Variants in FAT3 observed in about 807,000 individuals in gnomAD.
FAT3 encodes protocadherin Fat 3.
A neutral mutation model predicts 310.2 loss-of-function variants in FAT3; 95 were observed. The observed-to-expected ratio is 0.31, with a 90% CI of 0.26 to 0.36. The LOEUF is 0.36. Ranked by LOEUF, FAT3 falls within the 10% of genes least tolerant of loss-of-function variation. FAT3 has a pLI of 1.00. For synonymous variants in FAT3, 2,314 were observed against 2,192.9 expected, an observed-to-expected ratio of 1.06 and a Z score of -1.54; for missense variants, 5,408 against 5,715.6, an observed-to-expected ratio of 0.95 and a Z score of 1.74.
chr11:92,810,829 A>G (rs1947649745), intron 13 of FAT3, among the ~76,000 whole-genome samples: 1 of 152,236 alleles, frequency 6.6e-6, no homozygotes, highest in African/African-American at 2.4e-5. Flanking sequence ...AAAAGGGCAT[A>G]TAGACAGCTT....
chr11:92,822,166 T>C (rs775146162), intron 13 of FAT3, among the ~76,000 whole-genome samples: 5 of 152,170 alleles, frequency 3.3e-5, no homozygotes, highest in Non-Finnish European at 7.3e-5. Context: ...AAACAGCTAA[T>C]TCCTTCCAAA....
chr11:92,226,881 C>T (rs1863933667), intron 1 of FAT3, among the ~76,000 whole-genome samples: 1 of 152,138 alleles, frequency 6.6e-6, no homozygotes. Context: ...TGATTGAAGT[C>T]TTTTTCCCCC....
At chr11:92,569,711 G>T (rs1210302638) in intron 3 of FAT3, among the ~76,000 whole-genome samples, 1 of 152,186 alleles carries the variant, frequency 6.6e-6, no homozygotes, top group Non-Finnish European at 1.5e-5. Flanking sequence ...CATGAGAAAT[G>T]TAGTGGGAAC....
At chr11:92,809,055 G>A (rs1189101818) in intron 12 of FAT3, among the ~76,000 whole-genome samples, 1 of 152,054 alleles carries the variant, frequency 6.6e-6, no homozygotes, top group African/African-American at 2.4e-5. Flanking sequence ...CATTTATTCA[G>A]GTTTGTCACT....
rs757499607 is a variant in FAT3 at position 92,890,866 on chromosome 11, C to G, written c.13523C>G (p.Pro4508Arg). The G allele has an allele frequency of 6.8e-6, 11 of 1,613,964 alleles. No homozygotes were observed. The highest frequency in any genetic ancestry group is 8.5e-6 in the Non-Finnish European group (10 of 1,179,896). Reference protein sequence around the residue: ...PFPNETDLVGPPASCEFSTFA... With the variant: ...PFPNETDLVGRPASCEFSTFA... The stretch of plus-strand genomic sequence containing the variant: ...CCCAACGAAACGGATTTGGTGGGCC[C>G]GCCTGCCAGCTGTGAATTTAGTACT... Residue 4508 changes from proline to arginine, a missense_variant, in exon 28 of 28, where the codon CCG becomes CGG. Pro to Arg is a moderately radical substitution (Grantham distance 103). Transcript: ENST00000525166.
chr11:92,743,637 G>A (rs1270961177), intron 4 of FAT3, among the ~76,000 whole-genome samples: 1 of 152,196 alleles, frequency 6.6e-6, no homozygotes, highest in Admixed American at 6.5e-5. Context: ...GGCCGCATGT[G>A]TCCTAAGGAG....
At chr11:92,711,443 A>G (rs906912758) in intron 4 of FAT3, among the ~76,000 whole-genome samples, 33 of 152,132 alleles carry the variant, frequency 2.2e-4, no homozygotes, top group Non-Finnish European at 4.1e-4. Flanking sequence ...CCCTAGTGAT[A>G]CTTCTGTAGT....
At chr11:92,746,713 C>A (rs1203673995) in intron 4 of FAT3, among the ~76,000 whole-genome samples, 1 of 152,292 alleles carries the variant, frequency 6.6e-6, no homozygotes, top group Non-Finnish European at 1.5e-5. Context: ...TTCCCAGATA[C>A]AATGGGGGTA....
chr11:92,866,239 C>T (rs3912661), intron 21 of FAT3, among the ~76,000 whole-genome samples: 116,641 of 152,052 alleles, frequency 0.77, 45,073 homozygotes, highest in South Asian at 0.89. Context: ...TTAATGGCCA[C>T]CTACCCTACA....
rs1285688539 is a variant in FAT3 at position 92,891,121 on chromosome 11, A to T, written c.*8A>T. 1 of 1,611,504 alleles carries T rather than the reference A, an allele frequency of 6.2e-7. No homozygotes were observed. Among genetic ancestry groups the T allele is most frequent in the Admixed American group, 1.7e-5 (1 of 59,922 alleles). The stretch of plus-strand genomic sequence containing the variant: ...CATCAGACTCAAGTGTAGACATCAC[A>T]TCTTGGGTACTTCACCCTGTTTGTT... On this transcript the variant is annotated 3_prime_UTR_variant, in exon 28 of 28. Transcript: ENST00000525166.
At position 92,353,323 on chromosome 11, in the gene FAT3, C is replaced by T. The variant is rs542051231; in HGVS notation, c.1211C>T (p.Pro404Leu). 111 of 1,613,370 alleles carry T rather than the reference C, an allele frequency of 6.9e-5. No individual in the cohort carries two copies. Among genetic ancestry groups the T allele is most frequent in the Admixed American group, 8.4e-5 (5 of 59,852 alleles). The stretch of plus-strand genomic sequence containing the variant: ...GCTATAGTAAAATTAAGTCCTGAAC[C>T]GATAGATGTGGAATACAAATTATCT... ...VVAIVKLSPEPIDVEYKLSPG... is the reference protein window; with the variant it reads ...VVAIVKLSPELIDVEYKLSPG... The change falls in exon 2 of 28, where the codon CCG (proline) becomes CTG (leucine). Residue 404 changes from proline (P) to leucine (L), a missense_variant. Physicochemically the swap from Pro to Leu is moderately conservative, Grantham distance 98. Around this residue, in one of 5 missense-constraint regions of FAT3, gnomAD observed 4,588 missense variants for 4,809.8 expected, o/e 0.95. Coordinates refer to ENST00000525166, the MANE Select transcript of FAT3 (RefSeq NM_001367949.2).
At chr11:92,627,449 G>A (rs2135689941) in intron 3 of FAT3, among the ~76,000 whole-genome samples, 1 of 152,226 alleles carries the variant, frequency 6.6e-6, no homozygotes, top group South Asian at 2.1e-4. Context: ...TTTTGTGAAA[G>A]TGTTTCCTGG....
intron 4 of FAT3, among the ~76,000 whole-genome samples, chr11:92,735,416 A>C (rs957750021): frequency 6.6e-6 from 1 of 152,150 alleles, no homozygotes. Flanking sequence ...ATCATTACTT[A>C]TATAGCTTTT....
chr11:92,472,453 G>T (rs925125557), intron 2 of FAT3, among the ~76,000 whole-genome samples: 2 of 152,120 alleles, frequency 1.3e-5, no homozygotes, highest in African/African-American at 4.8e-5. Context: ...CAACCAGCAA[G>T]CATTTTGAGA....
At chr11:92,469,698 G>A (rs1011276685) in intron 2 of FAT3, among the ~76,000 whole-genome samples, 1 of 151,786 alleles carries the variant, frequency 6.6e-6, no homozygotes, top group Non-Finnish European at 1.5e-5. Context: ...TTTATTTTTA[G>A]TAGAGATGGG....
chr11:92,414,115 CTT>C (rs1208698227), intron 2 of FAT3, among the ~76,000 whole-genome samples: 2 of 152,124 alleles, frequency 1.3e-5, no homozygotes, highest in Non-Finnish European at 2.9e-5. Flanking sequence ...AGGATTTTCT[CTT>C]GTTTGGCATA....
chr11:92,618,804 A>C (rs980719173), intron 3 of FAT3, among the ~76,000 whole-genome samples: 14 of 152,082 alleles, frequency 9.2e-5, no homozygotes, highest in Admixed American at 3.3e-4. Context: ...AAATAGTGCT[A>C]GTTTTTCCTT....
intron 2 of FAT3, among the ~76,000 whole-genome samples, chr11:92,363,787 T>C (rs1268931307): frequency 6.6e-6 from 1 of 152,190 alleles, no homozygotes; most frequent in Non-Finnish European, 1.5e-5. Flanking sequence ...TTTTCTTGGC[T>C]CTAGACTTTT....
chr11:92,747,116 C>A (rs1945693821), intron 4 of FAT3, among the ~76,000 whole-genome samples: 1 of 152,214 alleles, frequency 6.6e-6, no homozygotes, highest in South Asian at 2.1e-4. Context: ...GCTCCAACCC[C>A]ACATTTTCCT....
Sources: allele counts gnomAD v4.1 joint callset (sites outside exome capture counted in the v4.1 genomes callset), GRCh38; gene constraint gnomAD v4.1.1; regional missense constraint gnomAD v4.1.1; transcripts MANE v1.5; gene names NCBI Gene and HGNC (gene_info 2026-07-23, HGNC 2026-07-21).